The following ETNPPL variants were observed in gnomAD, a reference collection of about 807,000 sequenced individuals.
ETNPPL encodes the protein alanine--glyoxylate aminotransferase 2-like 1.
In ETNPPL, 30 loss-of-function variants were observed where a neutral mutation model predicts 55.5. The ratio of observed to expected loss-of-function variants is 0.54; its 90% CI spans 0.40 to 0.73. The LOEUF is 0.73. Among genes scored for constraint, ETNPPL ranks in the 30% least tolerant of loss-of-function variants. The pLI is 0.00. For synonymous variants in ETNPPL, 202 were observed against 207.2 expected (o/e 0.98, Z 0.21); for missense variants, 528 against 607.9 (o/e 0.87, Z 1.38).
chr4:108,762,148 G>C (rs1729534840), intron 1 of ETNPPL: 2 of 273,338 alleles, frequency 7.3e-6, no homozygotes, highest in Non-Finnish European at 1.5e-5. Context: ...CAGGGAATAT[G>C]ACATCCAACG....
chr4:108,746,653 T>C, intron 10 of ETNPPL, 109 bp downstream of exon 10: 1 of 1,466,686 alleles, frequency 6.8e-7, no homozygotes, highest in Non-Finnish European at 9.5e-7. Flanking sequence ...AAATAGGATG[T>C]ATTTAAACTT....
intron 12 of ETNPPL, among the ~76,000 whole-genome samples, chr4:108,743,514 T>G (rs557192295): frequency 1.3e-5 from 2 of 152,268 alleles, no homozygotes; most frequent in African/African-American, 4.8e-5. Context: ...TCTCTCTATA[T>G]ATATTTTATA....
intron 6 of ETNPPL, 134 bp from the exon 7 acceptor site, chr4:108,751,152 G>C (rs913228563): frequency 4.0e-6 from 2 of 494,224 alleles, no homozygotes; most frequent in South Asian, 3.2e-5. Context: ...TTAGCCATTT[G>C]ATTAAAGAAA....
Position 108,757,074 on chromosome 4 carries a change from C to A in ETNPPL, c.336-582G>T, listed in dbSNP as rs181745763. 3.9e-3 allele frequency among the ~76,000 whole-genome samples: 586 copies of A among 152,176 alleles called. 4 individuals are homozygous for A. Among genetic ancestry groups the A allele is most frequent in the African/African-American group, 0.014 (565 of 41,510 alleles). On this transcript the variant is annotated intron_variant, in intron 3 of 12. Coordinates refer to ENST00000296486, the MANE Select transcript of ETNPPL (RefSeq NM_031279.4). ...TTAGTCTAGTTCAGCCACATAGTGA[C>A]TGAGGACACGAAGAAGCCTTCACTA...
intron 8 of ETNPPL, 101 bp downstream of exon 8, chr4:108,749,137 A>G (rs1164822895): frequency 1.3e-6 from 1 of 782,772 alleles, no homozygotes; most frequent in Non-Finnish European, 2.1e-6. Flanking sequence ...CTGGGTGGTT[A>G]GCCGGCAATA....
chr4:108,753,187 T>C (rs1254148418), intron 5 of ETNPPL, among the ~76,000 whole-genome samples, 176 bp from the exon 6 acceptor site: 2 of 152,194 alleles, frequency 1.3e-5, no homozygotes, highest in Non-Finnish European at 2.9e-5. Flanking sequence ...AACTGACATC[T>C]TTGAATTGTG....
chr4:108,744,381 A>G (rs868783994), intron 11 of ETNPPL, among the ~76,000 whole-genome samples: 5 of 152,168 alleles, frequency 3.3e-5, no homozygotes, highest in Non-Finnish European at 5.9e-5. Flanking sequence ...ACTTTATTCA[A>G]AGGAAATTCT....
intron 6 of ETNPPL, among the ~76,000 whole-genome samples, chr4:108,752,572 A>G (rs1699021060): frequency 6.6e-6 from 1 of 152,160 alleles, no homozygotes; most frequent in South Asian, 2.1e-4. Flanking sequence ...TCCAAGGGCT[A>G]CTTTGTCTCT....
intron 4 of ETNPPL, among the ~76,000 whole-genome samples, chr4:108,755,549 G>T (rs936858800): frequency 6.6e-6 from 1 of 152,170 alleles, no homozygotes; most frequent in African/African-American, 2.4e-5. Context: ...AGCCTCGGTG[G>T]CTCACGCCTG....
chr4:108,742,658 C>A (rs1426409126), intron 12 of ETNPPL, 46 bp from the exon 13 acceptor site: 15 of 1,611,340 alleles, frequency 9.3e-6, no homozygotes, highest in Non-Finnish European at 1.2e-5. Flanking sequence ...CACCTCTAAT[C>A]CAGCCTCCAC....
chr4:108,755,591 T>C (rs911327999), intron 4 of ETNPPL, among the ~76,000 whole-genome samples: 1 of 151,728 alleles, frequency 6.6e-6, no homozygotes, highest in South Asian at 2.1e-4. Flanking sequence ...CTGAGGCGGG[T>C]GGATCACTTA....
chr4:108,747,145 TATAATA>T (rs1728574545), intron 9 of ETNPPL, among the ~76,000 whole-genome samples: 1 of 22,910 alleles, frequency 4.4e-5, no homozygotes, highest in African/African-American at 2.9e-4. Context: ...TATATATATA[TATAATA>T]TATATATATA....
At chr4:108,748,253 G>A (rs1454346147) in intron 8 of ETNPPL, 94 bp from the exon 9 acceptor site, 2 of 754,586 alleles carry the variant, frequency 2.7e-6, no homozygotes, top group Non-Finnish European at 2.1e-6. Flanking sequence ...ATACATAAGT[G>A]AAGATATAAT....
chr4:108,743,693 T>C (rs1728325417), intron 12 of ETNPPL, 96 bp downstream of exon 12: 1 of 855,902 alleles, frequency 1.2e-6, no homozygotes, highest in Non-Finnish European at 2.0e-6. Flanking sequence ...ATTGTTCTAA[T>C]GGTCACTGCA....
At chr4:108,747,139 TA>T (rs1165048956) in intron 9 of ETNPPL, among the ~76,000 whole-genome samples, 2 of 27,708 alleles carry the variant, frequency 7.2e-5, no homozygotes, top group Non-Finnish European at 1.2e-4. Context: ...TATATATATA[TA>T]TATATATAAT....
chr4:108,753,310 G>A (rs940266070), intron 5 of ETNPPL, among the ~76,000 whole-genome samples: 2 of 152,150 alleles, frequency 1.3e-5, no homozygotes, highest in Non-Finnish European at 2.9e-5. Context: ...AAATGTCAGT[G>A]AATGGAAACT....
Position 108,759,818 on chromosome 4 carries a change from A to G in ETNPPL, c.266T>C (p.Val89Ala), listed in dbSNP as rs746715169. 6.2e-7 allele frequency: 1 copy of G among 1,614,178 alleles called. No individual in the cohort carries two copies. The highest frequency in any genetic ancestry group is 8.5e-7 in the Non-Finnish European group (1 of 1,180,004). ...TNSRFLHDNI[V>A]EYAKRLSATL... The stretch of plus-strand genomic sequence containing the variant: ...TGCTGAAAGGCGTTTGGCATACTCA[A>G]CAATGTTGTCGTGGAGGAATCGAGA... Residue 89 changes from valine to alanine, a missense_variant, in exon 3 of 13, where the codon GTT becomes GCT. Transcript: ENST00000296486.
intron 3 of ETNPPL, among the ~76,000 whole-genome samples, chr4:108,757,182 G>C (rs1309605077): frequency 6.6e-6 from 1 of 152,078 alleles, no homozygotes; most frequent in African/African-American, 2.4e-5. Context: ...CCCAACATTT[G>C]ACTAGCTTCC....
chr4:108,742,646 T>C (rs765401996), intron 12 of ETNPPL, 34 bp from the exon 13 acceptor site: 1 of 1,612,612 alleles, frequency 6.2e-7, no homozygotes, highest in South Asian at 1.1e-5. Flanking sequence ...CCAGTGGGCA[T>C]CCACCTCTAA....
Sources: gnomAD v4.1 joint callset for allele counts (sites outside exome capture counted in the v4.1 genomes callset) on GRCh38, gnomAD v4.1.1 for gene constraint, MANE v1.5 for transcripts, NCBI Gene and HGNC (gene_info 2026-07-23, HGNC 2026-07-21) for gene names.